Variants in PCDHA6 observed in about 807,000 individuals in gnomAD.
PCDHA6 encodes protocadherin alpha 6, also known as protocadherin alpha-6.
In PCDHA6, 55 loss-of-function variants were observed where a neutral mutation model predicts 60.3. That is an observed-to-expected ratio of 0.91 (90% confidence interval 0.73 to 1.14). The LOEUF (loss-of-function observed/expected upper bound fraction) is 1.14. Among genes scored for constraint, PCDHA6 ranks in the 50% most tolerant of loss-of-function variants. The pLI is 0.00. For synonymous variants in PCDHA6, 652 were observed against 557.9 expected (o/e 1.17, Z -2.38); for missense variants, 1,327 against 1,256.5 (o/e 1.06, Z -0.85).
chr5:140,858,296 C>T, intron 1 of PCDHA6: 1 of 1,597,390 alleles, frequency 6.3e-7, no homozygotes, highest in East Asian at 2.2e-5. Flanking sequence ...GTCTTACTCG[C>T]AGCAGAGGCG....
At chr5:140,861,347 G>C (rs2046872625) in intron 1 of PCDHA6, 2 of 297,216 alleles carry the variant, frequency 6.7e-6, no homozygotes, top group Non-Finnish European at 6.8e-6. Context: ...GGCCAAGGAC[G>C]GCACATAGCG....
chr5:140,829,383 G>A lies in PCDHA6; in HGVS notation c.1292G>A (p.Gly431Asp). The A allele has an allele frequency of 3.7e-6, 6 of 1,614,186 alleles. No homozygotes were observed. Among genetic ancestry groups the A allele is most frequent in the East Asian group, 2.2e-5 (1 of 44,882 alleles). ...TTGGTGGTAACCGCGCGGGACGGGGGCTCGCCTTCGCTGTGGGCCACCGCC... is the reference window on the plus strand; with the variant it reads ...TTGGTGGTAACCGCGCGGGACGGGGACTCGCCTTCGCTGTGGGCCACCGCC... ...YELVVTARDGGSPSLWATASL... is the reference protein window; with the variant it reads ...YELVVTARDGDSPSLWATASL... Residue 431 changes from glycine (G) to aspartate (D), a missense_variant, in exon 1 of 4, where the codon GGC becomes GAC. Coordinates refer to ENST00000529310, the MANE Select transcript of PCDHA6 (RefSeq NM_018909.4).
intron 1 of PCDHA6, among the ~76,000 whole-genome samples, chr5:140,886,842 AAAAAAG>A (rs1562824849): frequency 6.6e-6 from 1 of 151,524 alleles, no homozygotes. Flanking sequence ...AAAAAAAAAA[AAAAAAG>A]AAAGGTCTTC....
chr5:140,869,604 AT>A, intron 1 of PCDHA6: 1 of 1,614,062 alleles, frequency 6.2e-7, no homozygotes, highest in Admixed American at 1.7e-5. Context: ...AGAATGCTCT[AT>A]TGACCTACAG....
At chr5:140,841,710 C>T (rs574481490) in intron 1 of PCDHA6, 1 of 1,613,856 alleles carries the variant, frequency 6.2e-7, no homozygotes, top group South Asian at 1.1e-5. Context: ...AATGACAACC[C>T]GCCAGTGTTC....
Position 140,842,816 on chromosome 5 carries a change from G to T in PCDHA6, c.2394+12331G>T, listed in dbSNP as rs144864522. On this transcript the variant is annotated intron_variant, in intron 1 of 3. Coordinates refer to ENST00000529310, the MANE Select transcript of PCDHA6 (RefSeq NM_018909.4). Reference sequence around the variant, plus strand: ...GTCCTACTCGCTTGTGGAGCGGCGGGTGGGCGAGCGCTCGCTGTCGAGCTA... The same window carrying T: ...GTCCTACTCGCTTGTGGAGCGGCGGTTGGGCGAGCGCTCGCTGTCGAGCTA... 2.5e-5 allele frequency: 40 copies of T among 1,594,004 alleles called. 2 individuals are homozygous for T. The African/African-American group carries it at 4.0e-4, about 16-fold the overall frequency.
intron 1 of PCDHA6, chr5:140,877,626 C>T: frequency 6.2e-7 from 1 of 1,613,828 alleles, no homozygotes; most frequent in African/African-American, 1.3e-5. Context: ...TGCTGCTGTA[C>T]ACTGCGCTGC....
intron 1 of PCDHA6, chr5:140,968,830 C>G: frequency 6.2e-7 from 1 of 1,614,198 alleles, no homozygotes; most frequent in Non-Finnish European, 8.5e-7. Context: ...CCAAAATCCT[C>G]CCTGACACTC....
At chr5:140,858,001 G>A in intron 1 of PCDHA6, 1 of 1,597,108 alleles carries the variant, frequency 6.3e-7, no homozygotes, top group East Asian at 2.2e-5. Flanking sequence ...TGCTGGTGAA[G>A]GACCATGGCG....
chr5:140,954,354 C>T lies in PCDHA6; in HGVS notation c.2395-24595C>T, dbSNP rs982671490. ...TTCTGCCTCTAGATCTTTGAGGAAT[C>T]GCCACACAGTCTCCCACAATGAGTG... is the stretch of plus-strand genomic sequence containing the variant. On this transcript the variant is annotated intron_variant, in intron 1 of 3. Transcript: ENST00000529310. Among the ~76,000 whole-genome samples the T allele has an allele frequency of 3.3e-5, 5 of 152,286 alleles. No homozygotes were observed. The East Asian group carries it at 5.8e-4, about 18-fold the overall frequency.
chr5:140,857,681 G>A (rs2044790199), intron 1 of PCDHA6: 5 of 1,596,954 alleles, frequency 3.1e-6, no homozygotes, highest in East Asian at 4.5e-5. Context: ...GCCGCCTCTG[G>A]GCAGCAACTT....
chr5:140,860,441 A>T (rs1038700248), intron 1 of PCDHA6: 3 of 152,166 alleles, frequency 2.0e-5, no homozygotes, highest in African/African-American at 4.8e-5. Context: ...GATCTTTTTC[A>T]TATTAATTCA....
intron 1 of PCDHA6, among the ~76,000 whole-genome samples, chr5:140,940,147 GT>G (rs1459512201): frequency 6.6e-6 from 1 of 152,082 alleles, no homozygotes; most frequent in African/African-American, 2.4e-5. Flanking sequence ...AACTATTATA[GT>G]TTTTGTTTGC....
intron 1 of PCDHA6, chr5:140,876,669 C>T: frequency 6.2e-7 from 1 of 1,614,186 alleles, no homozygotes; most frequent in Non-Finnish European, 8.5e-7. Context: ...AGCTGGTGTC[C>T]ACCTACAAGA....
chr5:140,838,264 C>T (rs1278285410), intron 1 of PCDHA6, among the ~76,000 whole-genome samples: 3 of 144,252 alleles, frequency 2.1e-5, no homozygotes, highest in Admixed American at 7.1e-5. Flanking sequence ...AAGACGCCAA[C>T]AACCAAGCCA....
At chr5:140,869,601 T>C (rs1581902552) in intron 1 of PCDHA6, 1 of 1,613,936 alleles carries the variant, frequency 6.2e-7, no homozygotes, top group East Asian at 2.2e-5. Context: ...AAGAGAATGC[T>C]CTATTGACCT....
chr5:140,882,814 A>AGT, intron 1 of PCDHA6: 3 of 1,614,248 alleles, frequency 1.9e-6, no homozygotes, highest in Non-Finnish European at 2.5e-6. Context: ...CTTTGGACGC[A>AGT]CAAAACAGTC....
At chr5:140,899,359 T>A (rs1247414230) in intron 1 of PCDHA6, among the ~76,000 whole-genome samples, 57 of 152,234 alleles carry the variant, frequency 3.7e-4, no homozygotes, top group Admixed American at 1.4e-3. Flanking sequence ...TTTTGAGATA[T>A]GTCCCATCAA....
chr5:141,010,282 A>C lies in PCDHA6; in HGVS notation c.*345A>C, dbSNP rs375556483. The C allele has an allele frequency of 6.4e-7, 1 of 1,551,130 alleles. No homozygotes were observed. Among genetic ancestry groups the C allele is most frequent in the Admixed American group, 2.0e-5 (1 of 50,878 alleles). On this transcript the variant is annotated 3_prime_UTR_variant, in exon 4 of 4. Transcript: ENST00000529310. ...GTGCTCCGGGGATCCTGTCTTGATGACACTTGCAGGGCAGGCTGAAAAGTT... is the reference window on the plus strand; with the variant it reads ...GTGCTCCGGGGATCCTGTCTTGATGCCACTTGCAGGGCAGGCTGAAAAGTT...
Sources: allele counts gnomAD v4.1 joint callset (sites outside exome capture counted in the v4.1 genomes callset), GRCh38; gene constraint gnomAD v4.1.1; transcripts MANE v1.5; gene names NCBI Gene and HGNC (gene_info 2026-07-23, HGNC 2026-07-21).